The following ELMO1 variants were observed in gnomAD, a reference collection of about 807,000 sequenced individuals.
ELMO1 encodes the protein engulfment and cell motility protein 1.
Under a neutral mutation model 98.9 loss-of-function variants are expected in ELMO1, and 26 were observed. That is an observed-to-expected ratio of 0.26 (90% CI 0.19 to 0.36). The LOEUF (loss-of-function observed/expected upper bound fraction) is 0.36, where lower values mean the gene tolerates loss of function less well. ELMO1 is among the 10% of genes least tolerant of loss of function. The pLI, the probability that ELMO1 is intolerant of heterozygous loss-of-function variation, is 1.00. For synonymous variants in ELMO1, 346 were observed against 346.0 expected (o/e 1.00, Z 0.00); for missense variants, 627 against 935.2 (o/e 0.67, Z 4.30).
chr7:37,184,279 T>C (rs1401950189), intron 13 of ELMO1, among the ~76,000 whole-genome samples: 2 of 152,242 alleles, frequency 1.3e-5, no homozygotes, highest in Non-Finnish European at 2.9e-5. Context: ...CTGCAAACTG[T>C]TTCCAGGGCT....
At chr7:37,357,999 A>C (rs1006011711) in intron 1 of ELMO1, among the ~76,000 whole-genome samples, 9 of 152,182 alleles carry the variant, frequency 5.9e-5, no homozygotes, top group Admixed American at 3.3e-4. Context: ...GAAAGCCAAT[A>C]TTATTGATTA....
chr7:37,250,146 C>T (rs1470015687), intron 6 of ELMO1, among the ~76,000 whole-genome samples: 2 of 152,080 alleles, frequency 1.3e-5, no homozygotes, highest in Non-Finnish European at 2.9e-5. Flanking sequence ...AAATGTCCTA[C>T]AATAGGGAAA....
chr7:36,964,465 G>A (rs1789237911), intron 16 of ELMO1, among the ~76,000 whole-genome samples: 1 of 152,174 alleles, frequency 6.6e-6, no homozygotes, highest in South Asian at 2.1e-4. Context: ...TCAAAGTATG[G>A]TTTCCACTGA....
chr7:36,898,904 G>A (rs1806262436), intron 16 of ELMO1, among the ~76,000 whole-genome samples: 3 of 152,216 alleles, frequency 2.0e-5, no homozygotes, highest in South Asian at 2.1e-4. Context: ...AGGGGAGCAA[G>A]GGGTCAGGTG....
chr7:36,862,411 C>A (rs148855492), intron 20 of ELMO1, among the ~76,000 whole-genome samples: 1 of 152,340 alleles, frequency 6.6e-6, no homozygotes, highest in Non-Finnish European at 1.5e-5. Flanking sequence ...TGAAAACCTA[C>A]GGAGTGCACG....
At chr7:37,384,378 G>C (rs538389670) in intron 1 of ELMO1, among the ~76,000 whole-genome samples, 1 of 152,282 alleles carries the variant, frequency 6.6e-6, no homozygotes, top group South Asian at 2.1e-4. Flanking sequence ...TTTATAAACA[G>C]GAATGAGCAA....
At chr7:37,177,245 T>C (rs991888560) in intron 13 of ELMO1, among the ~76,000 whole-genome samples, 5 of 152,226 alleles carry the variant, frequency 3.3e-5, no homozygotes, top group Admixed American at 2.6e-4. Flanking sequence ...TATGAGTGGC[T>C]TGTAAAACTC....
chr7:37,375,897 T>TA, intron 1 of ELMO1: 1 of 673,516 alleles, frequency 1.5e-6, no homozygotes, highest in Non-Finnish European at 2.7e-6. Flanking sequence ...CCAACAGAGA[T>TA]ACGTGCAGAC....
chr7:37,286,221 T>A (rs1247964326), intron 4 of ELMO1, among the ~76,000 whole-genome samples: 1 of 151,982 alleles, frequency 6.6e-6, no homozygotes, highest in Non-Finnish European at 1.5e-5. Context: ...CAAGGAACAA[T>A]GCGGCTGGAA....
intron 13 of ELMO1, among the ~76,000 whole-genome samples, chr7:37,198,480 T>C (rs1384672201): frequency 6.6e-6 from 1 of 152,212 alleles, no homozygotes. Flanking sequence ...GGGTGGGAGA[T>C]ACGACTATAT....
intron 1 of ELMO1, among the ~76,000 whole-genome samples, chr7:37,417,620 C>A (rs1039160914): frequency 2.0e-5 from 3 of 149,708 alleles, no homozygotes; most frequent in African/African-American, 7.4e-5. Flanking sequence ...GCCAAGATCA[C>A]GCCACTGCAC....
chr7:36,857,499 C>G (rs76402754), intron 21 of ELMO1, among the ~76,000 whole-genome samples: 6 of 152,172 alleles, frequency 3.9e-5, no homozygotes, highest in South Asian at 4.1e-4. Flanking sequence ...TTTCACACAG[C>G]CTTCCCAGGC....
chr7:37,060,551 A>T (rs1796613961), intron 15 of ELMO1, among the ~76,000 whole-genome samples: 1 of 152,314 alleles, frequency 6.6e-6, no homozygotes, highest in African/African-American at 2.4e-5. Flanking sequence ...ACTATCGGAT[A>T]CTATGCCAAC....
In ELMO1 at chr7:37,215,321, G is replaced by A. The variant is rs142782593; in HGVS notation, c.831+1324C>T. ...TTATTTTCAACATTAATTTTTGATGGCTTACTTGTATTGGTGGGAGAGGGA... is the reference window on the plus strand; with the variant it reads ...TTATTTTCAACATTAATTTTTGATGACTTACTTGTATTGGTGGGAGAGGGA... On this transcript the variant is annotated intron_variant, in intron 11 of 21. Coordinates refer to ENST00000310758, the MANE Select transcript of ELMO1 (RefSeq NM_014800.11). 1.1e-3 allele frequency among the ~76,000 whole-genome samples: 161 copies of A among 152,210 alleles called. 1 individual carries two copies. Among genetic ancestry groups the A allele is most frequent in the African/African-American group, 3.8e-3 (157 of 41,528 alleles).
At chr7:36,864,596 G>T (rs768331310) in intron 20 of ELMO1, among the ~76,000 whole-genome samples, 2 of 152,190 alleles carry the variant, frequency 1.3e-5, no homozygotes, top group Admixed American at 1.3e-4. Flanking sequence ...AGGCTGCAGA[G>T]CCAGGAGCAA....
chr7:36,855,816 A>G lies in ELMO1; in HGVS notation c.1984-65T>C. On this transcript the variant is annotated intron_variant, in intron 21 of 21. Transcript: ENST00000310758. The surrounding 1 kb of genome is among the most constrained non-coding windows in gnomAD (Gnocchi z 4.2). Reference sequence around the variant, plus strand: ...AATTACAGAAGTATTAATAGTAAAAATAGCTAACAGTGAATACTCATCCCT... The same window carrying G: ...AATTACAGAAGTATTAATAGTAAAAGTAGCTAACAGTGAATACTCATCCCT... The G allele has an allele frequency of 6.3e-7, 1 of 1,582,526 alleles. No homozygotes were observed. The highest frequency in any genetic ancestry group is 1.1e-5 in the South Asian group (1 of 89,752).
chr7:37,042,229 AAGAG>A (rs1042726961), intron 15 of ELMO1, among the ~76,000 whole-genome samples: 3 of 150,934 alleles, frequency 2.0e-5, no homozygotes, highest in Non-Finnish European at 3.0e-5. Flanking sequence ...AAAAAAAAAG[AAGAG>A]AGAGAAAGAA....
intron 6 of ELMO1, 144 bp downstream of exon 6, chr7:37,259,037 C>T: frequency 1.1e-6 from 1 of 920,346 alleles, no homozygotes; most frequent in African/African-American, 1.7e-5. Context: ...ACTGCCTCGC[C>T]ACTATCTTAA....
At chr7:37,203,176 C>T (rs114950469) in intron 13 of ELMO1, among the ~76,000 whole-genome samples, 1,768 of 152,224 alleles carry the variant, frequency 0.012, 37 homozygotes, top group African/African-American at 0.041. Flanking sequence ...AAACCTGGAC[C>T]CTTGCCTGTC....
Sources: allele counts gnomAD v4.1 joint callset (sites outside exome capture counted in the v4.1 genomes callset), GRCh38; gene constraint gnomAD v4.1.1; non-coding constraint Gnocchi (gnomAD v3.1); transcripts MANE v1.5; gene names NCBI Gene and HGNC (gene_info 2026-07-23, HGNC 2026-07-21).